RIMBP2: variants seen among roughly 807,000 people sequenced by gnomAD.
The protein encoded by RIMBP2 is RIMS-binding protein 2.
Under a neutral mutation model 118.6 loss-of-function variants are expected in RIMBP2, and 48 were observed. That is an observed-to-expected ratio of 0.40 (90% CI 0.32 to 0.51). RIMBP2 has a LOEUF of 0.51. Ranked by LOEUF, RIMBP2 falls within the 20% of genes least tolerant of loss-of-function variation. RIMBP2 has a pLI of 0.41. For missense variants in RIMBP2, 1,551 were observed against 1,768.3 expected (o/e 0.88, Z 2.20); for synonymous variants, 762 against 742.9 (o/e 1.03, Z -0.42).
intron 1 of RIMBP2, among the ~76,000 whole-genome samples, chr12:130,713,239 A>AAGGAAGGAAGGAAGGAAGGAAGAT (rs1950076471): frequency 9.4e-5 from 14 of 149,202 alleles, no homozygotes; most frequent in African/African-American, 3.0e-4. Context: ...GGAAGGAAGG[A>AAGGAAGGAAGGAAGGAAGGAAGAT]AGGAAGGAAG....
intron 4 of RIMBP2, among the ~76,000 whole-genome samples, chr12:130,495,225 T>C (rs1279155625): frequency 2.0e-5 from 3 of 152,138 alleles, no homozygotes; most frequent in Admixed American, 6.5e-5. Context: ...TGCCCTGAAA[T>C]GATGAGGGGG....
chr12:130,433,077 G>A (rs1016008634), intron 14 of RIMBP2, among the ~76,000 whole-genome samples: 12 of 141,650 alleles, frequency 8.5e-5, no homozygotes, highest in East Asian at 3.9e-4. Flanking sequence ...AACAACAGGC[G>A]CTATGGGACT....
rs2065934930 is a variant in RIMBP2, at chr12:130,703,056, G to T, written c.-352+13166C>A. On this transcript the variant is annotated intron_variant, in intron 1 of 22. Transcript: ENST00000690449. This position sits in a 1 kb window ranked among gnomAD's most constrained non-coding sequence, Gnocchi z 5.7. The stretch of plus-strand genomic sequence containing the variant: ...TGCTGCTACTCAGATGCCCGGAGAA[G>T]TTCATTAGAACAGGATTTTCCTGTA... 6.6e-6 allele frequency among the ~76,000 whole-genome samples: 1 copy of T among 152,174 alleles called. No homozygotes were observed. Among genetic ancestry groups the T allele is most frequent in the Non-Finnish European group, 1.5e-5 (1 of 68,030 alleles).
intron 4 of RIMBP2, among the ~76,000 whole-genome samples, chr12:130,482,130 T>C (rs2082068584): frequency 6.6e-6 from 1 of 152,294 alleles, no homozygotes; most frequent in Non-Finnish European, 1.5e-5. Context: ...GCCACCTCAG[T>C]GCGGTGTGGC....
Position 130,424,325 on chromosome 12 carries a change from G to A in RIMBP2, c.2946C>T (p.Gly982=), listed in dbSNP as rs1186922230. 5 of 1,231,772 alleles carry A rather than the reference G, an allele frequency of 4.1e-6. No homozygotes were observed. The highest frequency in any genetic ancestry group is 4.0e-6 in the Non-Finnish European group (4 of 987,862). 76.3% of individuals were successfully genotyped at this position (1,231,772 alleles called of 1,614,324 possible). Residue 982 remains glycine, a synonymous_variant, in exon 16 of 23, where the codon GGC becomes GGT. Coordinates refer to ENST00000690449, the MANE Select transcript of RIMBP2 (RefSeq NM_001393629.1). The surrounding 1 kb of genome is among the most constrained non-coding windows in gnomAD (Gnocchi z 9.8). ...GCTGGGGGTCGTCGTTCCTGAGGAG[G>A]CCACCAGGGCCCACCTGCTCCCCAA... ...EDFGEQVGPG[G]LLRNDDPQPG...
intron 2 of RIMBP2, among the ~76,000 whole-genome samples, chr12:130,565,772 A>C (rs2057174956): frequency 6.6e-6 from 1 of 152,234 alleles, no homozygotes; most frequent in African/African-American, 2.4e-5. Flanking sequence ...AGCAGCACAA[A>C]GGGTGATATG....
At chr12:130,522,294 G>A (rs567463633) in intron 2 of RIMBP2, among the ~76,000 whole-genome samples, 15 of 152,334 alleles carry the variant, frequency 9.8e-5, no homozygotes, top group East Asian at 1.9e-4. Flanking sequence ...CCTTTCAAAC[G>A]CCACTGCCCA....
rs537048640 is a variant in RIMBP2, at chr12:130,674,260, G to A, written c.-352+41962C>T. 2.2e-4 allele frequency among the ~76,000 whole-genome samples: 34 copies of A among 152,078 alleles called. 1 individual carries two copies. In the South Asian group the frequency reaches 6.2e-3, roughly 28 times the overall value. ...CATGCCTGCGTCCCCTTCGCCTTCCGCCACGATAAAAAGTTTCTTAAGGCC... is the reference window on the plus strand; with the variant it reads ...CATGCCTGCGTCCCCTTCGCCTTCCACCACGATAAAAAGTTTCTTAAGGCC... On this transcript the variant is annotated intron_variant, in intron 1 of 22. Transcript: ENST00000690449.
Position 130,525,992 on chromosome 12 carries a change from C to A in RIMBP2, c.-216-8075G>T, listed in dbSNP as rs1046615739. The stretch of plus-strand genomic sequence containing the variant: ...GCTGTCAGGTTTGAGACCCCCTCCT[C>A]CCTGCCCCAATTTGCCTCTTATTCT... On this transcript the variant is annotated intron_variant, in intron 2 of 22. Coordinates refer to ENST00000690449, the MANE Select transcript of RIMBP2 (RefSeq NM_001393629.1). This position sits in a 1 kb window ranked among gnomAD's most constrained non-coding sequence, Gnocchi z 4.4. Among the ~76,000 whole-genome samples the A allele has an allele frequency of 1.3e-5, 2 of 152,044 alleles. No individual in the cohort carries two copies. Among genetic ancestry groups the A allele is most frequent in the Admixed American group, 1.3e-4 (2 of 15,266 alleles).
intron 1 of RIMBP2, among the ~76,000 whole-genome samples, chr12:130,630,722 G>T (rs1412478622): frequency 6.6e-6 from 1 of 152,132 alleles, no homozygotes; most frequent in Non-Finnish European, 1.5e-5. Context: ...GGAAAAAAAT[G>T]GGTTAGGGCA....
chr12:130,640,109 T>C (rs1190540778), intron 1 of RIMBP2, among the ~76,000 whole-genome samples: 1 of 152,162 alleles, frequency 6.6e-6, no homozygotes, highest in Non-Finnish European at 1.5e-5. Context: ...CATCTCACGA[T>C]GTTATTCTCG....
chr12:130,714,765 C>T lies in RIMBP2; in HGVS notation c.-352+1457G>A, dbSNP rs189347111. On this transcript the variant is annotated intron_variant, in intron 1 of 22. Coordinates refer to ENST00000690449, the MANE Select transcript of RIMBP2 (RefSeq NM_001393629.1). ...CGTGCCCCCAGGGAACCTCCGGAGC[C>T]GGTCAGACCCTGCCCATCCCACTGG... is the stretch of plus-strand genomic sequence containing the variant. Among the ~76,000 whole-genome samples, 410 of 152,356 alleles carry T rather than the reference C, an allele frequency of 2.7e-3. 1 individual carries two copies. The highest frequency in any genetic ancestry group is 9.2e-3 in the African/African-American group (383 of 41,590).
chr12:130,669,897 G>C (rs908730729), intron 1 of RIMBP2, among the ~76,000 whole-genome samples: 99 of 152,146 alleles, frequency 6.5e-4, no homozygotes, highest in African/African-American at 2.1e-3. Flanking sequence ...GTGGGTTGAA[G>C]GCCGGGGCTC....
intron 2 of RIMBP2, among the ~76,000 whole-genome samples, chr12:130,627,998 A>C (rs2061751751): frequency 6.6e-6 from 1 of 152,166 alleles, no homozygotes; most frequent in Admixed American, 6.5e-5. Flanking sequence ...TTTAGAATCA[A>C]TACCCTAGCA....
At chr12:130,468,956 T>C (rs2080763575) in intron 6 of RIMBP2, 2 of 152,136 alleles carry the variant, frequency 1.3e-5, no homozygotes, top group Admixed American at 1.3e-4. Context: ...GAGGCCCTGC[T>C]TGTGGAGCTC....
intron 1 of RIMBP2, among the ~76,000 whole-genome samples, chr12:130,684,935 C>G (rs913971508): frequency 1.3e-5 from 2 of 152,200 alleles, no homozygotes; most frequent in Non-Finnish European, 2.9e-5. Context: ...ACCCTGAATT[C>G]TTTCTTGCAG....
chr12:130,626,491 G>T (rs1213995324), intron 2 of RIMBP2, among the ~76,000 whole-genome samples: 2 of 130,176 alleles, frequency 1.5e-5, no homozygotes, highest in African/African-American at 2.9e-5. Context: ...ATCACCATCA[G>T]CTCCTCCATC....
chr12:130,513,005 G>T (rs2051081971), intron 3 of RIMBP2, among the ~76,000 whole-genome samples: 1 of 152,142 alleles, frequency 6.6e-6, no homozygotes, highest in Non-Finnish European at 1.5e-5. Context: ...AATGTTTAAA[G>T]AGGGAAATTG....
Position 130,657,066 on chromosome 12 carries a change from T to C in RIMBP2, c.-351-28610A>G, listed in dbSNP as rs76749596. The stretch of plus-strand genomic sequence containing the variant: ...TGTACCACCATGCCTACTATTTTTT[T>C]ACATTTTTATTTCTAGAGATAGGGT... On this transcript the variant is annotated intron_variant, in intron 1 of 22. Coordinates refer to ENST00000690449, the MANE Select transcript of RIMBP2 (RefSeq NM_001393629.1). Among the ~76,000 whole-genome samples the C allele has an allele frequency of 2.0e-3, 298 of 152,336 alleles. 1 individual carries two copies. The highest frequency in any genetic ancestry group is 6.8e-3 in the African/African-American group (283 of 41,582).
Sources: gnomAD v4.1 joint callset for allele counts (sites outside exome capture counted in the v4.1 genomes callset) on GRCh38, gnomAD v4.1.1 for gene constraint, Gnocchi (gnomAD v3.1) non-coding constraint, MANE v1.5 for transcripts, NCBI Gene and HGNC (gene_info 2026-07-23, HGNC 2026-07-21) for gene names.